The following BLK variants were observed in gnomAD, a reference collection of about 807,000 sequenced individuals.
BLK encodes the protein tyrosine-protein kinase Blk.
BLK carries 64 observed loss-of-function variants against 61.8 expected under a neutral mutation model. The ratio of observed to expected loss-of-function variants is 1.03; its 90% CI spans 0.85 to 1.27. The LOEUF (loss-of-function observed/expected upper bound fraction) is 1.27, where lower values mean the gene tolerates loss of function less well. Among genes scored for constraint, BLK ranks in the 50% most tolerant of loss-of-function variants. BLK has a pLI of 0.00. For missense variants in BLK, 853 were observed against 660.5 expected, an observed-to-expected ratio of 1.29 and a Z score of -3.19; for synonymous variants, 351 against 272.0, an observed-to-expected ratio of 1.29 and a Z score of -2.86.
Position 11,564,108 on chromosome 8 carries a change from GC to G in BLK, c.*2del. 6.4e-7 allele frequency: 1 copy of G among 1,556,598 alleles called. No homozygotes were observed. The highest frequency in any genetic ancestry group is 1.4e-5 in the African/African-American group (1 of 73,802). On this transcript the variant is annotated 3_prime_UTR_variant, in exon 13 of 13. Coordinates refer to ENST00000259089, the MANE Select transcript of BLK (RefSeq NM_001715.3). ...AGCGGCAGTACGAGCTGCAGCCCTAGCCGGCCGCGCCCGCCTGCGCCCCGTG... is the reference window on the plus strand; with the variant it reads ...AGCGGCAGTACGAGCTGCAGCCCTAGCGGCCGCGCCCGCCTGCGCCCCGTG...
chr8:11,548,447 A>C lies in BLK; in HGVS notation c.269+322A>C, dbSNP rs113704059. Among the ~76,000 whole-genome samples, 469 of 152,280 alleles carry C rather than the reference A, an allele frequency of 3.1e-3. 6 individuals carry two copies. Among genetic ancestry groups the C allele is most frequent in the South Asian group, 0.022 (105 of 4,818 alleles). On this transcript the variant is annotated intron_variant, in intron 4 of 12. Coordinates refer to ENST00000259089, the MANE Select transcript of BLK (RefSeq NM_001715.3). ...GCAGGCTGGTCTGGCTGTTCCGTGA[A>C]AGCCTTGCATTTAAGCCAGTTGTGT...
rs142772999 is a variant in BLK at position 11,543,229 on chromosome 8, G to T, written c.5G>T (p.Gly2Val). 54 of 1,613,912 alleles carry T rather than the reference G, an allele frequency of 3.3e-5. No individual in the cohort carries two copies. The African/African-American group carries it at 6.1e-4, about 18-fold the overall frequency. Reference sequence around the variant, plus strand: ...CTGCTGTGTGTCTCCGACAGGATGGGGCTGGTAAGTAGCAAAAAGCCGGAC... The same window carrying T: ...CTGCTGTGTGTCTCCGACAGGATGGTGCTGGTAAGTAGCAAAAAGCCGGAC... M[G>V]LVSSKKPDKE... Residue 2 changes from glycine (G) to valine (V), a missense_variant, in exon 2 of 13, where the codon GGG (glycine) becomes GTG (valine). Coordinates refer to ENST00000259089, the MANE Select transcript of BLK (RefSeq NM_001715.3).
rs1585367552 is a variant in BLK, at chr8:11,531,722, C to T, written c.-1-11502C>T. 2.0e-5 allele frequency among the ~76,000 whole-genome samples: 3 copies of T among 152,134 alleles called. No individual in the cohort carries two copies. The East Asian group carries it at 5.8e-4, about 29-fold the overall frequency. On this transcript the variant is annotated intron_variant, in intron 1 of 12. Coordinates refer to ENST00000259089, the MANE Select transcript of BLK (RefSeq NM_001715.3). The stretch of plus-strand genomic sequence containing the variant: ...CTGCGTGCTAATTTCTCCCCAGTCA[C>T]TGATGCTCTGTTGTTTATGTTCACC...
At chr8:11,558,631 C>T (rs1473835066) in intron 10 of BLK, 4 of 455,884 alleles carry the variant, frequency 8.8e-6, no homozygotes. Context: ...CAGGACTGGT[C>T]CTCAGTGTCC....
rs528187504 is a variant in BLK at position 11,540,312 on chromosome 8, C to T, written c.-1-2912C>T. ...ATCCACTTTCTACTGAATTAAAATG[C>T]TATCTTTTTCACATACGCGATTCCT... On this transcript the variant is annotated intron_variant, in intron 1 of 12. Transcript: ENST00000259089. 1.5e-4 allele frequency among the ~76,000 whole-genome samples: 23 copies of T among 152,174 alleles called. 1 individual carries two copies. The South Asian group carries it at 2.9e-3, about 19-fold the overall frequency.
chr8:11,511,978 G>T (rs527650082), intron 1 of BLK, among the ~76,000 whole-genome samples: 1 of 150,520 alleles, frequency 6.6e-6, no homozygotes, highest in Admixed American at 6.6e-5. Flanking sequence ...TTCTGTGATT[G>T]TTTGATTATT....
Position 11,564,474 on chromosome 8 carries a change from G to A in BLK, c.*366G>A, listed in dbSNP as rs977140703. 5.6e-6 allele frequency: 3 copies of A among 532,546 alleles called. No individual in the cohort carries two copies. Among genetic ancestry groups the A allele is most frequent in the Non-Finnish European group, 1.1e-5 (3 of 276,496 alleles). The allele number at this position is 532,546 out of a possible 1,614,324, so 33.0% of individuals were successfully genotyped here. A position where few individuals can be genotyped will look rare whatever the true frequency, so the allele number is the denominator to read the frequency against. ...CCGCGTCCCCGCCTCTGCGCCCTGC[G>A]TGGACCCCGCCCTGCCCCGCTACAG... is the stretch of plus-strand genomic sequence containing the variant. On this transcript the variant is annotated 3_prime_UTR_variant, in exon 13 of 13. Transcript: ENST00000259089.
At chr8:11,527,215 A>G (rs1745996738) in intron 1 of BLK, among the ~76,000 whole-genome samples, 2 of 152,156 alleles carry the variant, frequency 1.3e-5, no homozygotes. Context: ...ATACCCTTCA[A>G]TGGCTTGCAA....
chr8:11,531,745 AC>A (rs1358651519), intron 1 of BLK, among the ~76,000 whole-genome samples: 26 of 152,154 alleles, frequency 1.7e-4, no homozygotes, highest in African/African-American at 6.3e-4. Flanking sequence ...GTTTATGTTC[AC>A]CTTTTTCTCC....
At chr8:11,501,262 T>C (rs1221950250) in intron 1 of BLK, among the ~76,000 whole-genome samples, 1 of 152,228 alleles carries the variant, frequency 6.6e-6, no homozygotes, top group African/African-American at 2.4e-5. Context: ...AAAGGATCCT[T>C]TAAAAAGTAT....
intron 1 of BLK, among the ~76,000 whole-genome samples, chr8:11,501,666 G>T (rs1178809176): frequency 6.6e-6 from 1 of 152,214 alleles, no homozygotes; most frequent in Non-Finnish European, 1.5e-5. Context: ...TACCGCAGAG[G>T]TGATTGAGTC....
chr8:11,550,017 G>C (rs1800827153), intron 5 of BLK, 142 bp from the exon 6 acceptor site: 1 of 747,948 alleles, frequency 1.3e-6, no homozygotes, highest in African/African-American at 1.7e-5. Context: ...CACGGTGTGA[G>C]GAGCAGCAGC....
intron 1 of BLK, among the ~76,000 whole-genome samples, chr8:11,540,450 A>G (rs1331175279): frequency 1.3e-5 from 2 of 152,194 alleles, no homozygotes; most frequent in African/African-American, 2.4e-5. Context: ...TCATAATTAT[A>G]AAGCTAGGTT....
chr8:11,533,502 T>A (rs910123740), intron 1 of BLK, among the ~76,000 whole-genome samples: 4 of 151,866 alleles, frequency 2.6e-5, no homozygotes, highest in African/African-American at 9.7e-5. Context: ...CGTGTGAACC[T>A]CCGTGGGAAA....
At chr8:11,555,770 A>G (rs1801184628) in intron 8 of BLK, 1 of 502,838 alleles carries the variant, frequency 2.0e-6, no homozygotes, top group Admixed American at 3.0e-5. Flanking sequence ...TGGCTTTGAC[A>G]ATGAGCTGCA....
Position 11,560,138 on chromosome 8 carries a change from C to T in BLK, c.1030-1164C>T, listed in dbSNP as rs560093675. On this transcript the variant is annotated intron_variant, in intron 10 of 12. Coordinates refer to ENST00000259089, the MANE Select transcript of BLK (RefSeq NM_001715.3). The stretch of plus-strand genomic sequence containing the variant: ...GGATGGATGCATGGATGGGTGGATG[C>T]GTGGGTGGGTGGGTGGGTGGGTGGG... The T allele has an allele frequency of 1.1e-4, 12 of 104,776 alleles. No individual in the cohort carries two copies. The East Asian group carries it at 2.0e-3, about 18-fold the overall frequency. 6.5% of individuals were successfully genotyped at this position (104,776 alleles called of 1,614,324 possible).
At chr8:11,511,930 G>A (rs1035217124) in intron 1 of BLK, among the ~76,000 whole-genome samples, 9 of 152,166 alleles carry the variant, frequency 5.9e-5, no homozygotes, top group South Asian at 2.1e-4. Context: ...GGATGCTGTC[G>A]GGAGGTGGAA....
chr8:11,530,388 C>A (rs1799837553), intron 1 of BLK, among the ~76,000 whole-genome samples: 1 of 152,186 alleles, frequency 6.6e-6, no homozygotes, highest in African/African-American at 2.4e-5. Flanking sequence ...GAGGTCAGTT[C>A]CTCCAAGGGG....
chr8:11,549,160 A>C, intron 5 of BLK, 38 bp downstream of exon 5: 1 of 1,542,234 alleles, frequency 6.5e-7, no homozygotes, highest in Non-Finnish European at 8.8e-7. Context: ...GCCAAGATGC[A>C]GTCACTGTTT....
Sources: gnomAD v4.1 joint callset for allele counts (sites outside exome capture counted in the v4.1 genomes callset) on GRCh38, gnomAD v4.1.1 for gene constraint, MANE v1.5 for transcripts, NCBI Gene and HGNC (gene_info 2026-07-23, HGNC 2026-07-21) for gene names.